The following HECW2 variants were observed in gnomAD, a reference collection of about 807,000 sequenced individuals.
The protein encoded by HECW2 is HECT, C2 and WW domain containing E3 ubiquitin protein ligase 2, also known as E3 ubiquitin-protein ligase HECW2.
Under a neutral mutation model 175.2 loss-of-function variants are expected in HECW2, and 61 were observed. The ratio of observed to expected loss-of-function variants is 0.35; its 90% CI spans 0.28 to 0.43. The LOEUF (loss-of-function observed/expected upper bound fraction) is 0.43, where lower values mean the gene tolerates loss of function less well. Ranked by LOEUF, HECW2 falls within the 20% of genes least tolerant of loss-of-function variation. HECW2 has a pLI of 1.00. For missense variants in HECW2, 1,524 were observed against 2,000.5 expected (o/e 0.76, Z 4.54); for synonymous variants, 671 against 731.0 (o/e 0.92, Z 1.32).
At chr2:196,370,015 T>C (rs951289736) in intron 2 of HECW2, among the ~76,000 whole-genome samples, 8 of 151,938 alleles carry the variant, frequency 5.3e-5, no homozygotes, top group East Asian at 1.9e-4. Flanking sequence ...TCCTCACCCA[T>C]TGTGGACAAG....
chr2:196,228,406 T>C, intron 21 of HECW2, 152 bp from the exon 22 acceptor site: 1 of 705,924 alleles, frequency 1.4e-6, no homozygotes, highest in South Asian at 2.1e-5. Flanking sequence ...ATGATCATAG[T>C]TTCTGATCTC....
At chr2:196,583,915 C>T (rs771178212) in intron 1 of HECW2, among the ~76,000 whole-genome samples, 1 of 152,176 alleles carries the variant, frequency 6.6e-6, no homozygotes, top group Middle Eastern at 3.2e-3. Context: ...CCACCTAAAA[C>T]AGCAGATGAT....
chr2:196,579,238 C>T (rs942507189), intron 1 of HECW2, among the ~76,000 whole-genome samples: 1 of 152,000 alleles, frequency 6.6e-6, no homozygotes, highest in Non-Finnish European at 1.5e-5. Context: ...GGAGTAAACA[C>T]CTATGAAAAT....
chr2:196,588,990 G>A (rs1691085758), intron 1 of HECW2, among the ~76,000 whole-genome samples: 1 of 152,058 alleles, frequency 6.6e-6, no homozygotes, highest in Non-Finnish European at 1.5e-5. Flanking sequence ...TCATTTGTCA[G>A]GAGTTCAAGA....
intron 1 of HECW2, among the ~76,000 whole-genome samples, chr2:196,445,214 C>T (rs952641925): frequency 6.6e-6 from 1 of 152,156 alleles, no homozygotes. Context: ...TTCTCTTACA[C>T]AAATAGTGTT....
chr2:196,467,402 A>T lies in HECW2; in HGVS notation c.-35-33944T>A, dbSNP rs938019034. Reference sequence around the variant, plus strand: ...GAGGAAGGAGGGAGGGAAGGGGAGGAGGAGCTGCTATTTATTGAGAGCTTT... The same window carrying T: ...GAGGAAGGAGGGAGGGAAGGGGAGGTGGAGCTGCTATTTATTGAGAGCTTT... On this transcript the variant is annotated intron_variant, in intron 1 of 28. Coordinates refer to ENST00000644978, the MANE Select transcript of HECW2 (RefSeq NM_001348768.2). 2.0e-5 allele frequency among the ~76,000 whole-genome samples: 3 copies of T among 152,182 alleles called. No homozygotes were observed. In the East Asian group the frequency reaches 5.8e-4, roughly 29 times the overall value.
intron 1 of HECW2, among the ~76,000 whole-genome samples, chr2:196,528,577 G>T (rs992728957): frequency 5.3e-5 from 8 of 152,126 alleles, no homozygotes; most frequent in African/African-American, 1.9e-4. Flanking sequence ...CAACCAACCA[G>T]AACAGGATGC....
rs1690643150 is a variant in HECW2, at chr2:196,292,610, T to C, written c.2955A>G (p.Leu985=). 1.2e-6 allele frequency: 2 copies of C among 1,614,168 alleles called. No individual in the cohort carries two copies. Among genetic ancestry groups the C allele is most frequent in the African/African-American group, 2.7e-5 (2 of 75,064 alleles). Residue 985 remains leucine (L), a synonymous_variant, in exon 14 of 29, where the codon CTA becomes CTG. Coordinates refer to ENST00000644978, the MANE Select transcript of HECW2 (RefSeq NM_001348768.2). Reference sequence around the variant, plus strand: ...TCATTTCCCATCCCCGCGGCAGCTCTAGCTGTTTGTTCGCGAACATGTTGA... The same window carrying C: ...TCATTTCCCATCCCCGCGGCAGCTCCAGCTGTTTGTTCGCGAACATGTTGA... ...GFLNMFANKQ[L]ELPRGWEMKH...
At chr2:196,343,563 G>C (rs1004829525) in intron 3 of HECW2, 94 bp downstream of exon 3, 9 of 795,494 alleles carry the variant, frequency 1.1e-5, no homozygotes, top group Non-Finnish European at 1.8e-5. Context: ...CCAAACCAAA[G>C]AATTTCAAAA....
Position 196,220,938 on chromosome 2 carries a change from T to G in HECW2, c.4150A>C (p.Thr1384Pro). Residue 1384 changes from threonine to proline, a missense_variant, in exon 25 of 29, where the codon ACT becomes CCT. Around this residue, in one of 11 missense-constraint regions of HECW2, gnomAD observed 134 missense variants for 287.8 expected, o/e 0.47. Transcript: ENST00000644978. ...CCCCCTGGCTTTAATTCTCGTTCAG[T>G]TATCTGAGATTACAAAATAAAAAGA... ...TVNEEVFGQI[T>P]ERELKPGGAN... The G allele has an allele frequency of 6.2e-7, 1 of 1,613,796 alleles. No individual in the cohort carries two copies. The highest frequency in any genetic ancestry group is 8.5e-7 in the Non-Finnish European group (1 of 1,179,746).
At chr2:196,414,757 G>C (rs1363927801) in intron 2 of HECW2, among the ~76,000 whole-genome samples, 1 of 152,128 alleles carries the variant, frequency 6.6e-6, no homozygotes, top group Non-Finnish European at 1.5e-5. Flanking sequence ...GTTGTGGGCG[G>C]ATCCCCCACA....
chr2:196,379,879 C>A (rs1275120565), intron 2 of HECW2, among the ~76,000 whole-genome samples: 7 of 130,578 alleles, frequency 5.4e-5, no homozygotes, highest in African/African-American at 2.1e-4. Context: ...TACTTCTCTG[C>A]ATGTATGCTA....
intron 3 of HECW2, among the ~76,000 whole-genome samples, chr2:196,336,460 G>A (rs546980555): frequency 1.1e-4 from 17 of 152,278 alleles, no homozygotes; most frequent in East Asian, 5.8e-4. Flanking sequence ...GCAAACATCC[G>A]TGGCTCTGTC....
chr2:196,353,076 A>T (rs1252802997), intron 2 of HECW2, among the ~76,000 whole-genome samples: 1 of 151,620 alleles, frequency 6.6e-6, no homozygotes. Context: ...TACAGCTCTG[A>T]CCTCACCCTT....
chr2:196,329,120 AT>A (rs1692261929), intron 5 of HECW2, among the ~76,000 whole-genome samples: 1 of 152,150 alleles, frequency 6.6e-6, no homozygotes, highest in Non-Finnish European at 1.5e-5. Context: ...CAATTTGAAC[AT>A]TTTACTAATC....
At chr2:196,503,892 T>C (rs1687658630) in intron 1 of HECW2, among the ~76,000 whole-genome samples, 1 of 152,192 alleles carries the variant, frequency 6.6e-6, no homozygotes, top group African/African-American at 2.4e-5. Context: ...GGCTTTACTG[T>C]GCTCCTTGTG....
chr2:196,518,317 G>A (rs1688222039), intron 1 of HECW2, among the ~76,000 whole-genome samples: 1 of 152,144 alleles, frequency 6.6e-6, no homozygotes, highest in Non-Finnish European at 1.5e-5. Context: ...TAAGAGCTAA[G>A]TAATGATGGC....
intron 1 of HECW2, among the ~76,000 whole-genome samples, chr2:196,511,034 T>C (rs1234556955): frequency 6.6e-6 from 1 of 152,176 alleles, no homozygotes; most frequent in Non-Finnish European, 1.5e-5. Context: ...GGTGTGATCT[T>C]GGCTCACAGC....
At chr2:196,201,449 G>GGGGTGT in intron 28 of HECW2, 61 bp from the exon 29 acceptor site, 1 of 1,001,020 alleles carries the variant, frequency 1.0e-6, no homozygotes, top group South Asian at 1.4e-5. Flanking sequence ...AAATGTGTGT[G>GGGGTGT]GTGTGTGTGT....
Sources: gnomAD v4.1 joint callset for allele counts (sites outside exome capture counted in the v4.1 genomes callset) on GRCh38, gnomAD v4.1.1 for gene constraint, gnomAD v4.1.1 regional missense constraint, MANE v1.5 for transcripts, NCBI Gene and HGNC (gene_info 2026-07-23, HGNC 2026-07-21) for gene names.